The following GRHL2 variants were observed in gnomAD, a reference collection of about 807,000 sequenced individuals.
The protein encoded by GRHL2 is grainyhead-like protein 2 homolog.
GRHL2 carries 21 observed loss-of-function variants against 83.8 expected under a neutral mutation model. That is an observed-to-expected ratio of 0.25 (90% CI 0.18 to 0.36). The LOEUF (loss-of-function observed/expected upper bound fraction) is 0.36. Ranked by LOEUF, GRHL2 falls within the 10% of genes least tolerant of loss-of-function variation. The pLI is 1.00. For synonymous variants in GRHL2, 280 were observed against 278.9 expected, an observed-to-expected ratio of 1.00 and a Z score of -0.04; for missense variants, 623 against 781.8, an observed-to-expected ratio of 0.80 and a Z score of 2.42.
intron 9 of GRHL2, among the ~76,000 whole-genome samples, chr8:101,621,466 T>C (rs1812963712): frequency 6.6e-6 from 1 of 152,080 alleles, no homozygotes; most frequent in African/African-American, 2.4e-5. Flanking sequence ...AATTAAAAAC[T>C]ATGCTAGAAG....
In GRHL2 at chr8:101,632,281, C is replaced by T; in HGVS notation, c.1401C>T (p.Tyr467=). 1.2e-6 allele frequency: 2 copies of T among 1,614,086 alleles called. No homozygotes were observed. The highest frequency in any genetic ancestry group is 1.7e-6 in the Non-Finnish European group (2 of 1,179,946). ...IPLQKKSDIT[Y]FKTMPDLHSQ... ...TACAGAAGAAGAGTGACATCACCTA[C>T]TTCAAAACCATGCCTGATCTCCACT... The change falls in exon 11 of 16, where the codon TAC becomes TAT. Residue 467 remains tyrosine, a synonymous_variant. Transcript: ENST00000646743.
chr8:101,606,523 A>G (rs1322974588), intron 8 of GRHL2, among the ~76,000 whole-genome samples: 1 of 152,216 alleles, frequency 6.6e-6, no homozygotes, highest in Non-Finnish European at 1.5e-5. Context: ...GTGCAAGTTG[A>G]AAGTAAAATG....
At chr8:101,664,018 C>T (rs1438582605) in intron 14 of GRHL2, among the ~76,000 whole-genome samples, 1 of 152,012 alleles carries the variant, frequency 6.6e-6, no homozygotes, top group Non-Finnish European at 1.5e-5. Flanking sequence ...TTTAAGATGA[C>T]AGCTGTCCAA....
intron 1 of GRHL2, among the ~76,000 whole-genome samples, chr8:101,504,998 G>A (rs1810308409): frequency 6.6e-6 from 1 of 151,516 alleles, no homozygotes; most frequent in Non-Finnish European, 1.5e-5. Context: ...AAAAGAGGAG[G>A]CTAAAAATAC....
intron 14 of GRHL2, 53 bp downstream of exon 14, chr8:101,649,552 T>C (rs1813580292): frequency 7.3e-7 from 1 of 1,364,532 alleles, no homozygotes; most frequent in Non-Finnish European, 1.0e-6. Context: ...TTCTCTCTCC[T>C]CTGGAATCCA....
At chr8:101,647,876 T>A (rs1813544440) in intron 13 of GRHL2, among the ~76,000 whole-genome samples, 1 of 150,936 alleles carries the variant, frequency 6.6e-6, no homozygotes, top group Non-Finnish European at 1.5e-5. Context: ...CCCCCAGGAT[T>A]GGGAGGAGGG....
downstream of GRHL2, among the ~76,000 whole-genome samples, chr8:101,673,943 G>A (rs1290205296): frequency 3.3e-5 from 5 of 152,160 alleles, no homozygotes; most frequent in East Asian, 1.9e-4. Flanking sequence ...TGAGCAACCC[G>A]CTCCTGAATG....
At chr8:101,581,695 C>A (rs964332474) in intron 7 of GRHL2, among the ~76,000 whole-genome samples, 5 of 152,114 alleles carry the variant, frequency 3.3e-5, no homozygotes, top group African/African-American at 1.2e-4. Flanking sequence ...TGTGCCAGAC[C>A]CTTTGTTAGG....
At chr8:101,526,913 A>C (rs1345007520) in intron 1 of GRHL2, among the ~76,000 whole-genome samples, 1 of 152,156 alleles carries the variant, frequency 6.6e-6, no homozygotes, top group Non-Finnish European at 1.5e-5. Flanking sequence ...GGACATTCTC[A>C]AGTGAAACTA....
chr8:101,606,611 G>A (rs1172469501), intron 8 of GRHL2, among the ~76,000 whole-genome samples: 3 of 152,222 alleles, frequency 2.0e-5, no homozygotes, highest in Admixed American at 6.5e-5. Context: ...CCTGACAGCT[G>A]CCCTGGACTT....
intron 11 of GRHL2, among the ~76,000 whole-genome samples, chr8:101,636,056 C>T (rs1022654564): frequency 3.9e-5 from 6 of 152,268 alleles, no homozygotes; most frequent in African/African-American, 1.2e-4. Flanking sequence ...AGGTATTATT[C>T]TTCACTCAAA....
chr8:101,558,799 A>C lies in GRHL2; in HGVS notation c.665A>C (p.Asp222Ala). Reference sequence around the variant, plus strand: ...AGCACATACAGCGAGAGCTTCAAGGACGCAGCCACAGAGGTGAGTCCCAGG... The same window carrying C: ...AGCACATACAGCGAGAGCTTCAAGGCCGCAGCCACAGAGGTGAGTCCCAGG... ...PDSTYSESFK[D>A]AATEKFRSAS... Residue 222 changes from aspartate (D) to alanine (A), a missense_variant, in exon 4 of 16, where the codon GAC (aspartate) becomes GCC (alanine). Physicochemically the swap from Asp to Ala is moderately radical, Grantham distance 126 (BLOSUM62 -2). Coordinates refer to ENST00000646743, the MANE Select transcript of GRHL2 (RefSeq NM_024915.4). 1 of 1,614,064 alleles carries C rather than the reference A, an allele frequency of 6.2e-7. No individual in the cohort carries two copies. The highest frequency in any genetic ancestry group is 1.1e-5 in the South Asian group (1 of 91,050).
Position 101,669,531 on chromosome 8 carries a change from C to G in GRHL2, c.*2828C>G, listed in dbSNP as rs139690839. 1 of 151,736 alleles carries G rather than the reference C, an allele frequency of 6.6e-6. No individual in the cohort carries two copies. The highest frequency in any genetic ancestry group is 2.1e-4 in the South Asian group (1 of 4,804). 9.4% of individuals were successfully genotyped at this position (151,736 alleles called of 1,614,324 possible). On this transcript the variant is annotated 3_prime_UTR_variant, in exon 16 of 16. Transcript: ENST00000646743. ...GAGGGTTTGTGCCAAATGCTATGAACGGCCCTTTCTTAAAGACAAGCAAGG... is the reference window on the plus strand; with the variant it reads ...GAGGGTTTGTGCCAAATGCTATGAAGGGCCCTTTCTTAAAGACAAGCAAGG...
intron 8 of GRHL2, among the ~76,000 whole-genome samples, chr8:101,606,101 T>C (rs1812627943): frequency 6.6e-6 from 1 of 152,236 alleles, no homozygotes; most frequent in African/African-American, 2.4e-5. Context: ...AAGATGAAGC[T>C]TGCAGGAGGC....
downstream of GRHL2, among the ~76,000 whole-genome samples, chr8:101,672,190 C>G (rs909198464): frequency 6.6e-6 from 1 of 151,696 alleles, no homozygotes; most frequent in Non-Finnish European, 1.5e-5. Flanking sequence ...AGCAGCGGAA[C>G]AAAGCTGGAT....
Position 101,652,615 on chromosome 8 carries a change from T to TGTGTGTGTGGTGTGTGTGTGTGTGTG in GRHL2, c.1698+3125_1698+3126insGTGTGTGTGTGTGTGTGGTGTGTGTG, listed in dbSNP as rs1813696860. Among the ~76,000 whole-genome samples, 58 of 120,158 alleles carry TGTGTGTGTGGTGTGTGTGTGTGTGTG rather than the reference T, an allele frequency of 4.8e-4. 3 individuals carry two copies. In the East Asian group the frequency reaches 0.013, roughly 28 times the overall value. The allele number at this position is 120,158 out of a possible 152,430, so 78.8% of individuals were successfully genotyped here. A position where few individuals can be genotyped will look rare whatever the true frequency, so the allele number is the denominator to read the frequency against. The stretch of plus-strand genomic sequence containing the variant: ...GTGTGTGTGTGGTGTGTGTGTGTGG[T>TGTGTGTGTGGTGTGTGTGTGTGTGTG]GTGTGTGTGTGTGTACTATACAGAC... On this transcript the variant is annotated intron_variant, in intron 14 of 15. Coordinates refer to ENST00000646743, the MANE Select transcript of GRHL2 (RefSeq NM_024915.4).
intron 1 of GRHL2, among the ~76,000 whole-genome samples, chr8:101,537,720 CT>C (rs996887716): frequency 6.6e-6 from 1 of 152,174 alleles, no homozygotes; most frequent in African/African-American, 2.4e-5. Context: ...TCTAAATTCA[CT>C]CATTGATAGA....
chr8:101,564,059 G>T (rs1811664081), intron 4 of GRHL2, among the ~76,000 whole-genome samples: 1 of 152,176 alleles, frequency 6.6e-6, no homozygotes, highest in Non-Finnish European at 1.5e-5. Flanking sequence ...GGAAGCTATT[G>T]TATTTTGGGC....
At chr8:101,516,382 T>G (rs1810572161) in intron 1 of GRHL2, among the ~76,000 whole-genome samples, 1 of 151,596 alleles carries the variant, frequency 6.6e-6, no homozygotes, top group South Asian at 2.1e-4. Context: ...CTCCAGCAAC[T>G]GTACTGGATT....
Sources: allele counts gnomAD v4.1 joint callset (sites outside exome capture counted in the v4.1 genomes callset), GRCh38; gene constraint gnomAD v4.1.1; transcripts MANE v1.5; gene names NCBI Gene and HGNC (gene_info 2026-07-23, HGNC 2026-07-21).